The following TAF5 variants were observed in gnomAD, a reference collection of about 807,000 sequenced individuals.
The protein encoded by TAF5 is transcription initiation factor TFIID subunit 5.
A neutral mutation model predicts 80.9 loss-of-function variants in TAF5; 20 were observed. That is an observed-to-expected ratio of 0.25 (90% CI 0.17 to 0.36). TAF5 has a LOEUF of 0.36. TAF5 is among the 10% of genes least tolerant of loss of function. The pLI, the probability that TAF5 is intolerant of heterozygous loss-of-function variation, is 1.00. For missense variants in TAF5, 863 were observed against 1,029.4 expected, an observed-to-expected ratio of 0.84 and a Z score of 2.21; for synonymous variants, 388 against 406.4, an observed-to-expected ratio of 0.95 and a Z score of 0.55.
At position 103,388,315 on chromosome 10, in the gene TAF5, G is replaced by GA; in HGVS notation, c.*94dup. On this transcript the variant is annotated 3_prime_UTR_variant, in exon 11 of 11. Coordinates refer to ENST00000369839, the MANE Select transcript of TAF5 (RefSeq NM_006951.5). ...CAGTGATTAATATTTAAGCTACAGAGAATGTTTTTGTCTATATGGATCTGG... is the reference window on the plus strand; with the variant it reads ...CAGTGATTAATATTTAAGCTACAGAGAAATGTTTTTGTCTATATGGATCTGG... 8.7e-7 allele frequency: 1 copy of GA among 1,144,302 alleles called. No individual in the cohort carries two copies. The highest frequency in any genetic ancestry group is 2.3e-5 in the Admixed American group (1 of 43,198). 70.9% of individuals were successfully genotyped at this position (1,144,302 alleles called of 1,614,324 possible). A position where few individuals can be genotyped will look rare whatever the true frequency, so the allele number is the denominator to read the frequency against.
Position 103,378,290 on chromosome 10 carries a change from C to A in TAF5, c.853C>A (p.Leu285Ile). ...GGATGACCTACGAGTATTATCTAGT[C>A]TTACCAAAAAGGAACACATGAAAGG... ...YQDDLRVLSS[L>I]TKKEHMKGNE... Residue 285 changes from leucine (L) to isoleucine (I), a missense_variant, in exon 3 of 11, where the codon CTT becomes ATT. By Grantham distance (5) the Leu-to-Ile change is conservative. Around this residue, in one of 3 missense-constraint regions of TAF5, gnomAD observed 128 missense variants for 232.2 expected, o/e 0.55. Coordinates refer to ENST00000369839, the MANE Select transcript of TAF5 (RefSeq NM_006951.5). This position sits in a 1 kb window ranked among gnomAD's most constrained non-coding sequence, Gnocchi z 4.1. 1 of 1,614,132 alleles carries A rather than the reference C, an allele frequency of 6.2e-7. No individual in the cohort carries two copies. The highest frequency in any genetic ancestry group is 8.5e-7 in the Non-Finnish European group (1 of 1,180,020).
At chr10:103,387,884 A>G in intron 10 of TAF5, 122 bp from the exon 11 acceptor site, 1 of 1,117,608 alleles carries the variant, frequency 8.9e-7, no homozygotes, top group Non-Finnish European at 1.3e-6. Flanking sequence ...GAAGGAATAG[A>G]GTTATTGGTC....
chr10:103,385,082 T>G (rs1330442052), intron 7 of TAF5, among the ~76,000 whole-genome samples: 4 of 152,206 alleles, frequency 2.6e-5, no homozygotes, highest in Non-Finnish European at 4.4e-5. Flanking sequence ...TTGTATCATA[T>G]TACCTCATTC....
chr10:103,384,743 T>A (rs2093391666), intron 7 of TAF5, among the ~76,000 whole-genome samples: 1 of 152,364 alleles, frequency 6.6e-6, no homozygotes, highest in East Asian at 1.9e-4. Flanking sequence ...TGCCAGATGA[T>A]ACATTTTTGA....
chr10:103,371,102 G>T (rs1413717495), intron 1 of TAF5, among the ~76,000 whole-genome samples: 1 of 152,124 alleles, frequency 6.6e-6, no homozygotes, highest in Non-Finnish European at 1.5e-5. Flanking sequence ...AATTAGCTGG[G>T]CGTGGTGGCA....
chr10:103,378,550 G>C lies in TAF5; in HGVS notation c.1113G>C (p.Lys371Asn). 6.2e-7 allele frequency: 1 copy of C among 1,610,996 alleles called. No homozygotes were observed. The highest frequency in any genetic ancestry group is 8.5e-7 in the Non-Finnish European group (1 of 1,178,234). The change falls in exon 3 of 11, where the codon AAG becomes AAC. Residue 371 changes from lysine to asparagine, a missense_variant and splice_region_variant. Coordinates refer to ENST00000369839, the MANE Select transcript of TAF5 (RefSeq NM_006951.5). This position sits in a 1 kb window ranked among gnomAD's most constrained non-coding sequence, Gnocchi z 4.1. ...GEAKREANKS[K>N]VFFGLLKEPE... ...CTAAACGAGAGGCAAACAAATCAAA[G>C]GTATGGGAATGAACCTAAGAACTCT... is the stretch of plus-strand genomic sequence containing the variant.
chr10:103,372,861 C>G (rs188193195), intron 1 of TAF5, among the ~76,000 whole-genome samples: 20 of 150,588 alleles, frequency 1.3e-4, no homozygotes, highest in African/African-American at 4.4e-4. Flanking sequence ...GTGCATTGCA[C>G]TACAGCCTGG....
intron 6 of TAF5, 76 bp from the exon 7 acceptor site, chr10:103,383,162 C>A: frequency 7.4e-7 from 1 of 1,357,058 alleles, no homozygotes; most frequent in Non-Finnish European, 9.9e-7. Context: ...AATTCCTCTC[C>A]TGCACTGTGA....
intron 7 of TAF5, 141 bp downstream of exon 7, chr10:103,383,508 A>G: frequency 1.2e-6 from 1 of 834,120 alleles, no homozygotes; most frequent in Non-Finnish European, 1.7e-6. Flanking sequence ...ATCTTTTAGA[A>G]TCTTGCCATT....
intron 2 of TAF5, among the ~76,000 whole-genome samples, chr10:103,377,799 C>A (rs917506222): frequency 2.0e-5 from 3 of 152,018 alleles, no homozygotes. Flanking sequence ...ACATTGAGTT[C>A]ATTATACTCT....
At position 103,368,216 on chromosome 10, in the gene TAF5, C is replaced by T. The variant is rs1323288011; in HGVS notation, c.227C>T (p.Ala76Val). ...GTGGCTGTCTCCGCCGCTGCCCCGG[C>T]GGGGGCGGCCCCGGTGCCCGCCGCT... Reference protein sequence around the residue: ...PTVAVSAAAPAGAAPVPAAAP... With the variant: ...PTVAVSAAAPVGAAPVPAAAP... Residue 76 changes from alanine to valine, a missense_variant, in exon 1 of 11, where the codon GCG (alanine) becomes GTG (valine). Physicochemically the swap from Ala to Val is moderately conservative, Grantham distance 64. Around this residue, in one of 3 missense-constraint regions of TAF5, gnomAD observed 367 missense variants for 335.5 expected, o/e 1.09. Coordinates refer to ENST00000369839, the MANE Select transcript of TAF5 (RefSeq NM_006951.5). The T allele has an allele frequency of 4.9e-6, 7 of 1,418,200 alleles. No individual in the cohort carries two copies. Among genetic ancestry groups the T allele is most frequent in the African/African-American group, 4.5e-5 (3 of 67,202 alleles). 87.9% of individuals were successfully genotyped at this position (1,418,200 alleles called of 1,614,324 possible).
At chr10:103,379,204 C>T (rs11191672) in intron 3 of TAF5, among the ~76,000 whole-genome samples, 61,276 of 152,086 alleles carry the variant, frequency 0.4, 13,172 homozygotes, top group South Asian at 0.64. Context: ...TGTGGCTTTC[C>T]TCTTTGTGCT....
At chr10:103,375,136 A>G (rs1042001871) in intron 2 of TAF5, among the ~76,000 whole-genome samples, 5 of 151,792 alleles carry the variant, frequency 3.3e-5, no homozygotes, top group African/African-American at 1.2e-4. Flanking sequence ...AAAAAAAAAA[A>G]AAAAGAAAAT....
At chr10:103,375,447 A>G (rs1245156172) in intron 2 of TAF5, among the ~76,000 whole-genome samples, 1 of 152,174 alleles carries the variant, frequency 6.6e-6, no homozygotes, top group African/African-American at 2.4e-5. Flanking sequence ...AGAAAACCCT[A>G]GAAGAGGACT....
At chr10:103,382,520 C>T (rs368987698) in intron 6 of TAF5, among the ~76,000 whole-genome samples, 8 of 152,200 alleles carry the variant, frequency 5.3e-5, no homozygotes, top group South Asian at 4.1e-4. Context: ...CTGCAACCTC[C>T]ACCTCCCTGG....
Position 103,385,330 on chromosome 10 carries a change from T to C in TAF5, c.1669T>C (p.Tyr557His), listed in dbSNP as rs757728240. ...YGASFSPDRNYLLSSSEDGTV... is the reference protein window; with the variant it reads ...YGASFSPDRNHLLSSSEDGTV... ...TATCACCTTCTCTTCTCTCAGGAAC[T>C]ATCTGCTTTCCTCTTCAGAGGACGG... The change falls in exon 8 of 11, where the codon TAT (tyrosine) becomes CAT (histidine). Residue 557 changes from tyrosine to histidine, a missense_variant. Physicochemically the swap from Tyr to His is moderately conservative, Grantham distance 83 (BLOSUM62 2). Around this residue, in one of 3 missense-constraint regions of TAF5, gnomAD observed 368 missense variants for 461.7 expected, o/e 0.80. Coordinates refer to ENST00000369839, the MANE Select transcript of TAF5 (RefSeq NM_006951.5). 1.0e-5 allele frequency: 16 copies of C among 1,605,914 alleles called. No homozygotes were observed. The highest frequency in any genetic ancestry group is 2.2e-5 in the East Asian group (1 of 44,688).
intron 1 of TAF5, among the ~76,000 whole-genome samples, chr10:103,370,197 A>G (rs950225175): frequency 6.6e-6 from 1 of 151,174 alleles, no homozygotes; most frequent in African/African-American, 2.4e-5. Flanking sequence ...GCGCCACTGC[A>G]CTCCAACCTG....
intron 6 of TAF5, among the ~76,000 whole-genome samples, chr10:103,383,011 C>T (rs985354301): frequency 6.6e-6 from 1 of 152,140 alleles, no homozygotes; most frequent in Non-Finnish European, 1.5e-5. Context: ...GTTCTGGTTC[C>T]CACACTGAGT....
chr10:103,378,044 A>G lies in TAF5; in HGVS notation c.798-191A>G, dbSNP rs919503099. The stretch of plus-strand genomic sequence containing the variant: ...TTTCATTAGAGAATTACATTTGTTC[A>G]TTTTTAGAATAAATTCAGAAACTGA... On this transcript the variant is annotated intron_variant, in intron 2 of 10. Transcript: ENST00000369839. This position sits in a 1 kb window ranked among gnomAD's most constrained non-coding sequence, Gnocchi z 4.1. 9.2e-5 allele frequency among the ~76,000 whole-genome samples: 14 copies of G among 152,136 alleles called. No individual in the cohort carries two copies. Among genetic ancestry groups the G allele is most frequent in the Non-Finnish European group, 1.5e-4 (10 of 68,020 alleles).
Sources: gnomAD v4.1 joint callset for allele counts (sites outside exome capture counted in the v4.1 genomes callset) on GRCh38, gnomAD v4.1.1 for gene constraint, gnomAD v4.1.1 regional missense constraint, Gnocchi (gnomAD v3.1) non-coding constraint, MANE v1.5 for transcripts, NCBI Gene and HGNC (gene_info 2026-07-23, HGNC 2026-07-21) for gene names.